The following DSCAM variants were observed in gnomAD, a reference collection of about 807,000 sequenced individuals.
The protein encoded by DSCAM is cell adhesion molecule DSCAM.
Under a neutral mutation model 217.7 loss-of-function variants are expected in DSCAM, and 47 were observed. The ratio of observed to expected loss-of-function variants is 0.22; its 90% CI spans 0.17 to 0.28. The LOEUF is 0.28. Ranked by LOEUF, DSCAM falls within the 10% of genes least tolerant of loss-of-function variation. DSCAM has a pLI of 1.00. For missense variants in DSCAM, 2,080 were observed against 2,618.3 expected, an observed-to-expected ratio of 0.79 and a Z score of 4.49; for synonymous variants, 1,056 against 1,015.3, an observed-to-expected ratio of 1.04 and a Z score of -0.76.
intron 3 of DSCAM, among the ~76,000 whole-genome samples, chr21:40,411,091 G>T: frequency 6.6e-6 from 1 of 151,446 alleles, no homozygotes; most frequent in East Asian, 1.9e-4. Context: ...AGTCTAGCAG[G>T]GGAGTATTGG....
intron 32 of DSCAM, among the ~76,000 whole-genome samples, chr21:40,017,548 A>G (rs2088180718): frequency 6.9e-6 from 1 of 144,540 alleles, no homozygotes; most frequent in Non-Finnish European, 1.5e-5. Flanking sequence ...TACCTAGACA[A>G]TAAATGGGCC....
intron 3 of DSCAM, among the ~76,000 whole-genome samples, chr21:40,559,841 G>GGAGT (rs1463984485): frequency 1.4e-5 from 2 of 141,070 alleles, no homozygotes; most frequent in Non-Finnish European, 3.0e-5. Context: ...CTCCCAGGCT[G>GGAGT]GAGTGCAGTG....
At chr21:40,227,606 C>T (rs2091344907) in intron 11 of DSCAM, among the ~76,000 whole-genome samples, 1 of 152,122 alleles carries the variant, frequency 6.6e-6, no homozygotes, top group Non-Finnish European at 1.5e-5. Flanking sequence ...CTACAGAGTA[C>T]CACCCCTTTC....
At chr21:40,821,597 C>A (rs951789178) in intron 1 of DSCAM, among the ~76,000 whole-genome samples, 14 of 152,022 alleles carry the variant, frequency 9.2e-5, no homozygotes, top group Admixed American at 7.9e-4. Flanking sequence ...CATCCATGTC[C>A]CTGAAAAGGA....
chr21:40,342,220 T>C (rs770037514), intron 6 of DSCAM, among the ~76,000 whole-genome samples: 46 of 152,170 alleles, frequency 3.0e-4, no homozygotes, highest in Non-Finnish European at 5.9e-4. Flanking sequence ...GTCAGATATC[T>C]TATAATGATC....
At chr21:40,844,423 C>A (rs1309008097) in intron 1 of DSCAM, among the ~76,000 whole-genome samples, 4 of 152,090 alleles carry the variant, frequency 2.6e-5, no homozygotes, top group African/African-American at 9.7e-5. Flanking sequence ...AGTTCCATAG[C>A]CTTCTGCTAG....
At chr21:40,328,998 A>G (rs1418348775) in intron 8 of DSCAM, among the ~76,000 whole-genome samples, 1 of 152,236 alleles carries the variant, frequency 6.6e-6, no homozygotes, top group Non-Finnish European at 1.5e-5. Context: ...GCTATTATAA[A>G]AAACATGAAA....
At position 40,486,359 on chromosome 21, in the gene DSCAM, T is replaced by C. The variant is rs530884078; in HGVS notation, c.509-117114A>G. 3.9e-5 allele frequency among the ~76,000 whole-genome samples: 6 copies of C among 152,244 alleles called. No individual in the cohort carries two copies. In the South Asian group the frequency reaches 1.2e-3, roughly 32 times the overall value. On this transcript the variant is annotated intron_variant, in intron 3 of 32. Coordinates refer to ENST00000400454, the MANE Select transcript of DSCAM (RefSeq NM_001389.5). ...TCCTTTTTCAGATGACTCCAGACTG[T>C]CCATCCTAGCCACCAACCATTGTAA...
Position 40,832,574 on chromosome 21 carries a change from TATC to T in DSCAM, c.43+14042_43+14044del, listed in dbSNP as rs765301938. The stretch of plus-strand genomic sequence containing the variant: ...GGGAAGCTGGAATGGTAATATATGG[TATC>T]ATCGTGTGACCTGCTCTTGAACGCA... On this transcript the variant is annotated intron_variant, in intron 1 of 32. Transcript: ENST00000400454. Among the ~76,000 whole-genome samples, 10 of 152,292 alleles carry T rather than the reference TATC, an allele frequency of 6.6e-5. No individual in the cohort carries two copies. In the East Asian group the frequency reaches 1.7e-3, roughly 26 times the overall value.
In DSCAM at chr21:40,790,088, T is replaced by A. The variant is rs1178098150; in HGVS notation, c.43+56531A>T. On this transcript the variant is annotated intron_variant, in intron 1 of 32. Coordinates refer to ENST00000400454, the MANE Select transcript of DSCAM (RefSeq NM_001389.5). ...GGATGATTTCTTATCCTTTCTAATA[T>A]CAGAGGTTCACAAGCCACTATCTGG... 2.0e-5 allele frequency among the ~76,000 whole-genome samples: 3 copies of A among 152,148 alleles called. No individual in the cohort carries two copies. The East Asian group carries it at 5.8e-4, about 29-fold the overall frequency.
rs1377611040 is a variant in DSCAM, at chr21:40,042,466, G to C, written c.5591C>G (p.Ser1864Cys). The change falls in exon 32 of 33, where the codon TCC becomes TGC. Residue 1864 changes from serine (S) to cysteine (C), a missense_variant. This residue lies in a region of DSCAM where 1,144 missense variants were observed against 1,421.1 expected (regional missense o/e 0.81). Coordinates refer to ENST00000400454, the MANE Select transcript of DSCAM (RefSeq NM_001389.5). The stretch of plus-strand genomic sequence containing the variant: ...AGTGAACCTGCAGATTCCCGATTCG[G>C]AAGGGGTGCTGGAGGTCAGACTGTC... ...YTDSLTSSTP[S>C]ESGICRFTAS... is the part of the protein sequence containing the mutation. The C allele has an allele frequency of 6.2e-7, 1 of 1,614,098 alleles. No individual in the cohort carries two copies. The highest frequency in any genetic ancestry group is 1.3e-5 in the African/African-American group (1 of 74,942).
At chr21:40,544,941 C>T (rs371713916) in intron 3 of DSCAM, among the ~76,000 whole-genome samples, 28 of 149,430 alleles carry the variant, frequency 1.9e-4, no homozygotes, top group African/African-American at 5.9e-4. Context: ...GTAGAATAGG[C>T]GCCAGAATTC....
At chr21:40,577,697 G>A (rs1039689657) in intron 3 of DSCAM, among the ~76,000 whole-genome samples, 14 of 152,178 alleles carry the variant, frequency 9.2e-5, no homozygotes, top group Non-Finnish European at 1.5e-4. Context: ...GTTTAGAAAG[G>A]GGAGGGGGGT....
At chr21:40,273,867 AT>A (rs989225866) in intron 11 of DSCAM, among the ~76,000 whole-genome samples, 14 of 152,264 alleles carry the variant, frequency 9.2e-5, no homozygotes, top group Admixed American at 2.6e-4. Context: ...CACTAATTCC[AT>A]CCCTGAGGGC....
chr21:40,370,896 T>G (rs2074890817), intron 3 of DSCAM, among the ~76,000 whole-genome samples: 1 of 152,038 alleles, frequency 6.6e-6, no homozygotes, highest in Non-Finnish European at 1.5e-5. Context: ...TGCCAGGGAG[T>G]GTAATCCCTC....
intron 3 of DSCAM, among the ~76,000 whole-genome samples, chr21:40,440,814 AG>A (rs917060891): frequency 1.0e-3 from 159 of 151,934 alleles, no homozygotes; most frequent in Non-Finnish European, 1.9e-3. Flanking sequence ...ATACCACATG[AG>A]GTTGCTGAGT....
At chr21:40,151,879 G>T (rs986517561) in intron 16 of DSCAM, among the ~76,000 whole-genome samples, 3 of 152,164 alleles carry the variant, frequency 2.0e-5, no homozygotes, top group African/African-American at 7.2e-5. Flanking sequence ...GAGCTTCATT[G>T]CCCAGGCCCC....
intron 11 of DSCAM, among the ~76,000 whole-genome samples, chr21:40,259,271 G>T: frequency 1.1e-5 from 1 of 88,984 alleles, no homozygotes; most frequent in East Asian, 2.8e-4. Context: ...CCTCTTTAAT[G>T]AACTCTTTTT....
chr21:40,087,332 G>T, intron 21 of DSCAM, 45 bp from the exon 22 acceptor site: 1 of 1,484,078 alleles, frequency 6.7e-7, no homozygotes, highest in Non-Finnish European at 9.4e-7. Flanking sequence ...CCACAGACGT[G>T]TCTACACAGA....
Sources: gnomAD v4.1 joint callset for allele counts (sites outside exome capture counted in the v4.1 genomes callset) on GRCh38, gnomAD v4.1.1 for gene constraint, gnomAD v4.1.1 regional missense constraint, MANE v1.5 for transcripts, NCBI Gene and HGNC (gene_info 2026-07-23, HGNC 2026-07-21) for gene names.